The following TOP3A variants were observed in gnomAD, a reference collection of about 807,000 sequenced individuals.
The protein encoded by TOP3A is DNA topoisomerase III alpha.
In TOP3A, 64 loss-of-function variants were observed where a neutral mutation model predicts 111.3. That is an observed-to-expected ratio of 0.57 (90% CI 0.47 to 0.71). The LOEUF (loss-of-function observed/expected upper bound fraction) is 0.71, where lower values mean the gene tolerates loss of function less well. Among genes scored for constraint, TOP3A ranks in the 30% least tolerant of loss-of-function variants. TOP3A has a pLI of 0.00. For synonymous variants in TOP3A, 484 were observed against 485.1 expected, an observed-to-expected ratio of 1.00 and a Z score of 0.03; for missense variants, 1,104 against 1,285.0, an observed-to-expected ratio of 0.86 and a Z score of 2.15.
At chr17:18,285,119 C>CTG (rs1385228493) in intron 15 of TOP3A, 23 bp downstream of exon 15, 4 of 1,609,920 alleles carry the variant, frequency 2.5e-6, no homozygotes, top group Non-Finnish European at 3.4e-6. Flanking sequence ...TGAGACCCCT[C>CTG]TGTATTTCTT....
chr17:18,309,276 A>G (rs1384839322), intron 1 of TOP3A, among the ~76,000 whole-genome samples: 2 of 152,188 alleles, frequency 1.3e-5, no homozygotes, highest in East Asian at 3.8e-4. Flanking sequence ...GGAAATGTAA[A>G]ATGCTTTGGC....
rs930498234 is a variant in TOP3A, at chr17:18,272,514, A to C, written c.*2288T>G. ...GCTATTCACAATAGCCAAAAAGTGG[A>C]AACAACCCAATGTCCATCAACTGAC... On this transcript the variant is annotated 3_prime_UTR_variant, in exon 19 of 19. Transcript: ENST00000321105. 1.3e-5 allele frequency among the ~76,000 whole-genome samples: 2 copies of C among 152,246 alleles called. No homozygotes were observed. The highest frequency in any genetic ancestry group is 4.8e-5 in the African/African-American group (2 of 41,470).
rs544579350 is a variant in TOP3A at position 18,301,932 on chromosome 17, G to T, written c.868C>A (p.Leu290Ile). The T allele has an allele frequency of 3.1e-6, 5 of 1,614,234 alleles. No individual in the cohort carries two copies. The South Asian group carries it at 4.4e-5, about 14-fold the overall frequency. ...ACTAGGCAAGCCGTGTGGTTAAAGA[G>T]TCGATGCCTTTTCCAGTTGAATTCT... Reference protein sequence around the residue: ...IVEFNWKRHRLFNHTACLVLY... With the variant: ...IVEFNWKRHRIFNHTACLVLY... The change falls in exon 8 of 19, where the codon CTC becomes ATC. Residue 290 changes from leucine to isoleucine, a missense_variant. By Grantham distance (5) the Leu-to-Ile change is conservative. Coordinates refer to ENST00000321105, the MANE Select transcript of TOP3A (RefSeq NM_004618.5).
At chr17:18,288,154 T>A (rs1433908542) in intron 13 of TOP3A, among the ~76,000 whole-genome samples, 11 of 132,598 alleles carry the variant, frequency 8.3e-5, no homozygotes, top group African/African-American at 3.2e-4. Context: ...TATATAAATT[T>A]TTTTTTTTTT....
chr17:18,285,379 ACCCACTG>A, intron 14 of TOP3A, 21 bp downstream of exon 14: 1 of 1,613,346 alleles, frequency 6.2e-7, no homozygotes. Context: ...ACCACCCACT[ACCCACTG>A]CAAGCTCTGT....
chr17:18,275,912 C>T (rs550784258), intron 18 of TOP3A, among the ~76,000 whole-genome samples: 1 of 152,224 alleles, frequency 6.6e-6, no homozygotes, highest in South Asian at 2.1e-4. Context: ...GCCTCGGCCT[C>T]CCAAAGTGCT....
chr17:18,286,211 A>G (rs12953249), intron 13 of TOP3A, among the ~76,000 whole-genome samples: 28 of 89,634 alleles, frequency 3.1e-4, no homozygotes, highest in East Asian at 4.2e-4. Context: ...AAAAAAAAAG[A>G]AAAAAAAAAG....
intron 9 of TOP3A, among the ~76,000 whole-genome samples, chr17:18,295,052 T>C (rs1390748807): frequency 6.6e-6 from 1 of 152,250 alleles, no homozygotes; most frequent in East Asian, 1.9e-4. Context: ...AGGTGCTATG[T>C]TGCGCAGGCT....
At chr17:18,284,256 C>T (rs551720427) in intron 15 of TOP3A, among the ~76,000 whole-genome samples, 2 of 151,868 alleles carry the variant, frequency 1.3e-5, no homozygotes, top group South Asian at 4.2e-4. Flanking sequence ...TTGTGATCTA[C>T]CCGCCTCGGC....
At chr17:18,286,010 G>T (rs549357109) in intron 13 of TOP3A, among the ~76,000 whole-genome samples, 1 of 152,130 alleles carries the variant, frequency 6.6e-6, no homozygotes, top group East Asian at 1.9e-4. Context: ...GACCAGCCTG[G>T]CCAACATGCT....
chr17:18,308,177 A>G, intron 3 of TOP3A, 174 bp downstream of exon 3: 1 of 433,640 alleles, frequency 2.3e-6, no homozygotes, highest in Non-Finnish European at 4.0e-6. Flanking sequence ...ACACCACTGC[A>G]CTCCAGCCTG....
Position 18,292,781 on chromosome 17 carries a change from T to C in TOP3A, c.1145A>G (p.Gln382Arg). Residue 382 changes from glutamine (Q) to arginine (R), a missense_variant, in exon 11 of 19, where the codon CAG becomes CGG. Coordinates refer to ENST00000321105, the MANE Select transcript of TOP3A (RefSeq NM_004618.5). ...RDLNLTVLVE[Q>R]QTPDPRWGAF... is the part of the protein sequence containing the mutation. ...CCCCCAGCGTGGATCGGGGGTCTGCTGTTCCACCAACACCGTCAGGTTTAA... is the reference window on the plus strand; with the variant it reads ...CCCCCAGCGTGGATCGGGGGTCTGCCGTTCCACCAACACCGTCAGGTTTAA... The C allele has an allele frequency of 1.9e-6, 3 of 1,614,148 alleles. No homozygotes were observed. The highest frequency in any genetic ancestry group is 2.5e-6 in the Non-Finnish European group (3 of 1,179,994).
chr17:18,299,492 G>A (rs1037006828), intron 9 of TOP3A, 67 bp downstream of exon 9: 75 of 1,425,188 alleles, frequency 5.3e-5, no homozygotes, highest in Non-Finnish European at 6.3e-5. Context: ...CAGTCTAGGC[G>A]GTAGAACCAC....
In TOP3A at chr17:18,314,820, C is replaced by A. The variant is rs1982156189; in HGVS notation, c.-42G>T. On this transcript the variant is annotated 5_prime_UTR_variant, in exon 1 of 19. It removes an upstream start codon present in the reference 5' UTR. Transcript: ENST00000321105. ...CGGAGCCGCTCCCCGGCTGCCGGCG[C>A]ATCCTGGGGAAGCCAGAGATGAGGC... is the stretch of plus-strand genomic sequence containing the variant. The A allele has an allele frequency of 1.4e-6, 2 of 1,471,292 alleles. No homozygotes were observed. The highest frequency in any genetic ancestry group is 1.4e-5 in the African/African-American group (1 of 69,562). 91.1% of individuals were successfully genotyped at this position (1,471,292 alleles called of 1,614,324 possible).
intron 4 of TOP3A, among the ~76,000 whole-genome samples, chr17:18,305,539 G>C (rs555977105): frequency 1.3e-5 from 2 of 152,062 alleles, no homozygotes; most frequent in East Asian, 3.9e-4. Flanking sequence ...TTATGACCTA[G>C]TTAAAAAAAA....
intron 5 of TOP3A, among the ~76,000 whole-genome samples, chr17:18,303,764 T>C (rs1392990520): frequency 2.6e-5 from 4 of 152,180 alleles, no homozygotes; most frequent in African/African-American, 7.2e-5. Flanking sequence ...AAGATAGTGA[T>C]TGATAAATAC....
intron 16 of TOP3A, 105 bp downstream of exon 16, chr17:18,282,593 C>G (rs1979825579): frequency 6.6e-7 from 1 of 1,521,118 alleles, no homozygotes; most frequent in Non-Finnish European, 8.9e-7. Context: ...AACAACAGGC[C>G]TGTCTTGAAA....
At chr17:18,288,631 C>T (rs568210766) in intron 13 of TOP3A, among the ~76,000 whole-genome samples, 37 of 152,210 alleles carry the variant, frequency 2.4e-4, no homozygotes, top group African/African-American at 8.2e-4. Flanking sequence ...CTATGGCCAC[C>T]CCCCTCCAAT....
At chr17:18,304,063 C>G (rs1163414425) in intron 5 of TOP3A, among the ~76,000 whole-genome samples, 1 of 152,094 alleles carries the variant, frequency 6.6e-6, no homozygotes, top group Admixed American at 6.5e-5. Context: ...TTCCTGGGTT[C>G]AAGCAATTCT....
Sources: allele counts gnomAD v4.1 joint callset (sites outside exome capture counted in the v4.1 genomes callset), GRCh38; gene constraint gnomAD v4.1.1; transcripts MANE v1.5; gene names NCBI Gene and HGNC (gene_info 2026-07-23, HGNC 2026-07-21).